GYG2: variants seen among roughly 807,000 people sequenced by gnomAD.
GYG2 encodes glycogenin-2.
GYG2 carries 29 observed loss-of-function variants against 29.4 expected under a neutral mutation model. The ratio of observed to expected loss-of-function variants is 0.99; its 90% CI spans 0.74 to 1.35. The LOEUF is 1.35. Ranked by LOEUF, GYG2 falls within the 40% of genes most tolerant of loss-of-function variation. The probability of loss-of-function intolerance (pLI) is 0.00; values close to 1 mark genes in which losing one functional copy is unlikely to be tolerated. For missense variants in GYG2, 370 were observed against 385.7 expected (o/e 0.96, Z 0.34); for synonymous variants, 167 against 172.3 (o/e 0.97, Z 0.24).
chrX:2,866,234 C>T (rs1234347768), intron 8 of GYG2, among the ~76,000 whole-genome samples: 3 of 112,044 alleles, frequency 2.7e-5, no homozygotes, highest in Non-Finnish European at 5.6e-5. Flanking sequence ...GTGGCTCACT[C>T]CTGTAATCCC....
chrX:2,847,579 C>T (rs941674308), intron 3 of GYG2, among the ~76,000 whole-genome samples: 8 of 105,386 alleles, frequency 7.6e-5, no homozygotes, highest in South Asian at 4.3e-4. Flanking sequence ...TGGCAGGCAC[C>T]TGTAATCCCA....
chrX:2,844,531 T>C lies in GYG2; in HGVS notation c.149+1177T>C, dbSNP rs1180320145. Among the ~76,000 whole-genome samples the C allele has an allele frequency of 3.0e-4, 13 of 43,996 alleles. 2 individuals carry two copies. The highest frequency in any genetic ancestry group is 1.2e-3 in the African/African-American group (11 of 9,094). The allele number at this position is 43,996 out of a possible 115,157, so 38.2% of individuals were successfully genotyped here. A position where few individuals can be genotyped will look rare whatever the true frequency, so the allele number is the denominator to read the frequency against. Reference sequence around the variant, plus strand: ...ATATGTGTATACGCACACGCATGCGTATATATGTGTATACGCACACGCATG... The same window carrying C: ...ATATGTGTATACGCACACGCATGCGCATATATGTGTATACGCACACGCATG... On this transcript the variant is annotated intron_variant, in intron 3 of 10. Coordinates refer to ENST00000398806, the MANE Select transcript of GYG2 (RefSeq NM_001079855.2).
chrX:2,838,029 C>CA (rs61022116), intron 2 of GYG2, among the ~76,000 whole-genome samples: 21,162 of 99,322 alleles, frequency 0.21, 1,765 homozygotes, highest in African/African-American at 0.28. Flanking sequence ...AGGCATGTGC[C>CA]AAAAAAAAAA....
chrX:2,871,373 C>T (rs2147259329), intron 8 of GYG2, among the ~76,000 whole-genome samples: 1 of 84,863 alleles, frequency 1.2e-5, no homozygotes, highest in East Asian at 3.8e-4. Flanking sequence ...GCCTTAGTAG[C>T]TCTCTGATGC....
Position 2,857,982 on chromosome X carries a change from G to A in GYG2, c.614+1358G>A, listed in dbSNP as rs750313879. ...ATGGAGCTAGGAAGAACCAGCTGTC[G>A]CCTCTTGGGAAAATGGATGGCACTC... On this transcript the variant is annotated intron_variant, in intron 6 of 10. Coordinates refer to ENST00000398806, the MANE Select transcript of GYG2 (RefSeq NM_001079855.2). Among the ~76,000 whole-genome samples the A allele has an allele frequency of 7.2e-4, 80 of 111,297 alleles. 1 individual carries two copies. Among genetic ancestry groups the A allele is most frequent in the African/African-American group, 2.5e-3 (78 of 30,712 alleles).
At position 2,837,838 on chromosome X, in the gene GYG2, TACAC is replaced by T. The variant is rs10578668; in HGVS notation, c.8-5347_8-5344del. On this transcript the variant is annotated intron_variant, in intron 2 of 10. Transcript: ENST00000398806. ...CTTTGCCATCTGCTTTGCAATTAAA[TACAC>T]ACACACACACACACACACACACACA... Among the ~76,000 whole-genome samples, 531 of 100,230 alleles carry T rather than the reference TACAC, an allele frequency of 5.3e-3. 17 individuals are homozygous for T. The highest frequency in any genetic ancestry group is 0.044 in the East Asian group (142 of 3,249). The allele number at this position is 100,230 out of a possible 115,157, so 87.0% of individuals were successfully genotyped here.
chrX:2,881,221 G>T lies in GYG2; in HGVS notation c.*8G>T. On this transcript the variant is annotated 3_prime_UTR_variant, in exon 11 of 11. Coordinates refer to ENST00000398806, the MANE Select transcript of GYG2 (RefSeq NM_001079855.2). Reference sequence around the variant, plus strand: ...GACCGGTTCCTGCAGTAATCCGGCAGCTGGTGGGCGTTGTGTGTAGTTAGA... The same window carrying T: ...GACCGGTTCCTGCAGTAATCCGGCATCTGGTGGGCGTTGTGTGTAGTTAGA... 1 of 1,166,798 alleles carries T rather than the reference G, an allele frequency of 8.6e-7. No individual in the cohort carries two copies. Among genetic ancestry groups the T allele is most frequent in the South Asian group, 2.0e-5 (1 of 49,926 alleles).
intron 10 of GYG2, chrX:2,878,123 C>G (rs1421342820): frequency 1.3e-6 from 1 of 743,697 alleles, no homozygotes; most frequent in Non-Finnish European, 1.6e-6. Context: ...TCAGCATGTT[C>G]CATCCTTGTG....
At chrX:2,852,711 C>G (rs1362199716) in intron 3 of GYG2, 2 of 111,943 alleles carry the variant, frequency 1.8e-5, no homozygotes, top group African/African-American at 6.5e-5. Context: ...GGCCCAAGTG[C>G]ATGCATCTTA....
chrX:2,833,427 A>G (rs2087309450), intron 2 of GYG2, among the ~76,000 whole-genome samples: 1 of 111,270 alleles, frequency 9.0e-6, no homozygotes, highest in Admixed American at 9.6e-5. Flanking sequence ...TCATCCGTCT[A>G]TAACACCCAT....
chrX:2,880,110 G>A (rs952508611), intron 10 of GYG2, among the ~76,000 whole-genome samples: 2 of 111,751 alleles, frequency 1.8e-5, no homozygotes, highest in African/African-American at 6.5e-5. Flanking sequence ...GGTAAGAAGT[G>A]TTTAAAGCAA....
intron 8 of GYG2, among the ~76,000 whole-genome samples, chrX:2,863,355 T>A (rs995036107): frequency 6.3e-5 from 7 of 111,639 alleles, no homozygotes; most frequent in Non-Finnish European, 1.3e-4. Flanking sequence ...ATTACAGGCG[T>A]GAACCACCAC....
At chrX:2,867,572 A>G (rs1240727905) in intron 8 of GYG2, among the ~76,000 whole-genome samples, 1 of 111,424 alleles carries the variant, frequency 9.0e-6, no homozygotes, top group Non-Finnish European at 1.9e-5. Flanking sequence ...ACGCCTGCAT[A>G]GGTCCTAGGG....
In GYG2 at chrX:2,858,313, A is replaced by G. The variant is rs779029887; in HGVS notation, c.615-1530A>G. On this transcript the variant is annotated intron_variant, in intron 6 of 10. Coordinates refer to ENST00000398806, the MANE Select transcript of GYG2 (RefSeq NM_001079855.2). ...CTGTCTCTACGAAAAAATAAAACAAAACATTAGCCGAATGTGGTGTCGCAC... is the reference window on the plus strand; with the variant it reads ...CTGTCTCTACGAAAAAATAAAACAAGACATTAGCCGAATGTGGTGTCGCAC... Among the ~76,000 whole-genome samples the G allele has an allele frequency of 6.3e-5, 7 of 110,652 alleles. No homozygotes were observed. In the East Asian group the frequency reaches 2.0e-3, roughly 31 times the overall value.
intron 6 of GYG2, among the ~76,000 whole-genome samples, chrX:2,856,895 CTA>C (rs1231739948): frequency 3.7e-5 from 4 of 109,263 alleles, no homozygotes; most frequent in Admixed American, 1.0e-4. Context: ...ATCTAGATCT[CTA>C]TGTCTATCTA....
At chrX:2,843,666 G>C (rs760313224) in intron 3 of GYG2, among the ~76,000 whole-genome samples, 1 of 112,119 alleles carries the variant, frequency 8.9e-6, no homozygotes, top group Non-Finnish European at 1.9e-5. Context: ...GTCTCGCTCT[G>C]TCGCCCAGGC....
At chrX:2,838,425 C>T (rs1328663797) in intron 2 of GYG2, among the ~76,000 whole-genome samples, 3 of 94,228 alleles carry the variant, frequency 3.2e-5, no homozygotes, top group Non-Finnish European at 6.4e-5. Context: ...TCTCTCTCCC[C>T]TCCTCTCCTC....
chrX:2,837,186 C>T (rs991038994), intron 2 of GYG2, among the ~76,000 whole-genome samples: 5 of 111,600 alleles, frequency 4.5e-5, no homozygotes, highest in Admixed American at 1.9e-4. Context: ...TGAATCTACA[C>T]GGTGGAGCTC....
chrX:2,875,122 T>A (rs908329023), intron 8 of GYG2, among the ~76,000 whole-genome samples: 1 of 112,077 alleles, frequency 8.9e-6, no homozygotes, highest in Admixed American at 9.5e-5. Context: ...ATTTCTCATT[T>A]GTATCACAGC....
Sources: gnomAD v4.1 joint callset for allele counts (sites outside exome capture counted in the v4.1 genomes callset) on GRCh38, gnomAD v4.1.1 for gene constraint, MANE v1.5 for transcripts, NCBI Gene and HGNC (gene_info 2026-07-23, HGNC 2026-07-21) for gene names.